DYNLL2: variants seen among roughly 807,000 people sequenced by gnomAD.
DYNLL2 encodes dynein light chain LC8-type 2.
DYNLL2 carries 1 observed loss-of-function variant against 9.7 expected under a neutral mutation model. The ratio of observed to expected loss-of-function variants is 0.10; its 90% CI spans 0.04 to 0.49. The LOEUF is 0.49. DYNLL2 is among the 20% of genes least tolerant of loss of function. The probability of loss-of-function intolerance (pLI) is 0.95; values close to 1 mark genes in which losing one functional copy is unlikely to be tolerated. For missense variants in DYNLL2, 37 were observed against 115.2 expected (o/e 0.32, Z 3.11); for synonymous variants, 35 against 40.5 (o/e 0.86, Z 0.52).
chr17:58,089,551 C>G lies in DYNLL2; in HGVS notation c.*272C>G. On this transcript the variant is annotated 3_prime_UTR_variant, in exon 3 of 3. Coordinates refer to ENST00000579991, the MANE Select transcript of DYNLL2 (RefSeq NM_080677.3). ...TATTGCACTAGGAAATCTCTCCCAC[C>G]TCTCCCTTTTCTCTTTCTTTCCCTA... is the stretch of plus-strand genomic sequence containing the variant. 2.2e-6 allele frequency: 1 copy of G among 465,028 alleles called. No homozygotes were observed. The highest frequency in any genetic ancestry group is 3.5e-5 in the East Asian group (1 of 28,904). 28.8% of individuals were successfully genotyped at this position (465,028 alleles called of 1,614,324 possible). A position where few individuals can be genotyped will look rare whatever the true frequency, so the allele number is the denominator to read the frequency against.
At chr17:58,085,672 T>A (rs1189537159) in intron 1 of DYNLL2, among the ~76,000 whole-genome samples, 1 of 152,158 alleles carries the variant, frequency 6.6e-6, no homozygotes, top group African/African-American at 2.4e-5. Context: ...CCATGCAGGG[T>A]CTGCCTGGAA....
intron 2 of DYNLL2, among the ~76,000 whole-genome samples, chr17:58,087,448 A>G (rs550880384): frequency 5.5e-5 from 8 of 145,014 alleles, no homozygotes; most frequent in Non-Finnish European, 7.6e-5. Context: ...GTGTGTGTGT[A>G]TGTTTACTTT....
Position 58,089,355 on chromosome 17 carries a change from G to A in DYNLL2, c.*76G>A. 1 of 1,561,524 alleles carries A rather than the reference G, an allele frequency of 6.4e-7. No homozygotes were observed. Among genetic ancestry groups the A allele is most frequent in the Non-Finnish European group, 8.7e-7 (1 of 1,147,348 alleles). On this transcript the variant is annotated 3_prime_UTR_variant, in exon 3 of 3. Coordinates refer to ENST00000579991, the MANE Select transcript of DYNLL2 (RefSeq NM_080677.3). ...GCGTTGCTGGGACTGTTTTGCACTG[G>A]AGCCAGCATCAGGATGTCCTCTCCA...
At position 58,093,974 on chromosome 17, in the gene DYNLL2, T is replaced by C. The variant is rs567295422; in HGVS notation, c.*4695T>C. ...CCCACAGACTGCTACTGTGCCAATA[T>C]AGAGGTTCATAAGAAAGATAAAAGA... On this transcript the variant is annotated 3_prime_UTR_variant, in exon 3 of 3. Coordinates refer to ENST00000579991, the MANE Select transcript of DYNLL2 (RefSeq NM_080677.3). 3 of 152,268 alleles carry C rather than the reference T, an allele frequency of 2.0e-5. No individual in the cohort carries two copies. Among genetic ancestry groups the C allele is most frequent in the African/African-American group, 7.2e-5 (3 of 41,548 alleles). 9.4% of individuals were successfully genotyped at this position (152,268 alleles called of 1,614,324 possible). A position where few individuals can be genotyped will look rare whatever the true frequency, so the allele number is the denominator to read the frequency against.
intron 2 of DYNLL2, among the ~76,000 whole-genome samples, chr17:58,087,780 C>G (rs1598088390): frequency 6.6e-6 from 1 of 152,080 alleles, no homozygotes; most frequent in East Asian, 1.9e-4. Flanking sequence ...ATAATGGGGC[C>G]ATAGGTTTGG....
Position 58,083,674 on chromosome 17 carries a change from C to G in DYNLL2, c.-19C>G, listed in dbSNP as rs1204486703. ...TCCCCAGGGCCCAGTGCGGACTCGC[C>G]TCCGTGAAGGTGAGCGGTGGGTGGG... On this transcript the variant is annotated 5_prime_UTR_variant, in exon 1 of 3. Transcript: ENST00000579991. 1 of 152,832 alleles carries G rather than the reference C, an allele frequency of 6.5e-6. No individual in the cohort carries two copies. 9.5% of individuals were successfully genotyped at this position (152,832 alleles called of 1,614,324 possible). A position where few individuals can be genotyped will look rare whatever the true frequency, so the allele number is the denominator to read the frequency against.
chr17:58,088,582 C>A (rs1438623674), intron 2 of DYNLL2, among the ~76,000 whole-genome samples: 1 of 152,184 alleles, frequency 6.6e-6, no homozygotes, highest in African/African-American at 2.4e-5. Context: ...GGTCCTTGTT[C>A]TGGTACATAC....
intron 1 of DYNLL2, among the ~76,000 whole-genome samples, chr17:58,084,611 C>T (rs2075751722): frequency 6.6e-6 from 1 of 152,174 alleles, no homozygotes; most frequent in African/African-American, 2.4e-5. Context: ...GGTTGGGCTT[C>T]ACCTCTCTCA....
At chr17:58,087,051 T>G (rs1177126203) in intron 1 of DYNLL2, 31 bp from the exon 2 acceptor site, 7 of 1,609,602 alleles carry the variant, frequency 4.3e-6, no homozygotes, top group Non-Finnish European at 6.0e-6. Flanking sequence ...AGCAAGGAGT[T>G]GTCAGCCTTA....
Position 58,089,339 on chromosome 17 carries a change from G to C in DYNLL2, c.*60G>C, listed in dbSNP as rs1356853106. 1 of 1,595,642 alleles carries C rather than the reference G, an allele frequency of 6.3e-7. No homozygotes were observed. Among genetic ancestry groups the C allele is most frequent in the East Asian group, 2.2e-5 (1 of 44,710 alleles). Reference sequence around the variant, plus strand: ...CGATGGCAAGCAGGCGGCGTTGCTGGGACTGTTTTGCACTGGAGCCAGCAT... The same window carrying C: ...CGATGGCAAGCAGGCGGCGTTGCTGCGACTGTTTTGCACTGGAGCCAGCAT... On this transcript the variant is annotated 3_prime_UTR_variant, in exon 3 of 3. Coordinates refer to ENST00000579991, the MANE Select transcript of DYNLL2 (RefSeq NM_080677.3).
At chr17:58,088,241 C>G (rs935385875) in intron 2 of DYNLL2, among the ~76,000 whole-genome samples, 8 of 152,192 alleles carry the variant, frequency 5.3e-5, no homozygotes, top group African/African-American at 1.9e-4. Context: ...AAGTGACTGG[C>G]TCTCCTGTAT....
At chr17:58,089,036 C>T (rs896581964) in intron 2 of DYNLL2, 106 bp from the exon 3 acceptor site, 7 of 1,443,122 alleles carry the variant, frequency 4.9e-6, no homozygotes, top group Middle Eastern at 1.8e-4. Flanking sequence ...GGGGTGATAA[C>T]AACCAAACGT....
Position 58,091,539 on chromosome 17 carries a change from A to T in DYNLL2, c.*2260A>T, listed in dbSNP as rs1282029837. 1 of 152,180 alleles carries T rather than the reference A, an allele frequency of 6.6e-6. No individual in the cohort carries two copies. The highest frequency in any genetic ancestry group is 2.4e-5 in the African/African-American group (1 of 41,410). 9.4% of individuals were successfully genotyped at this position (152,180 alleles called of 1,614,324 possible). ...GCTACCTTCCCAGCTGCCGTCATGG[A>T]CCTGCCTGAGCTTTGCTGCTTCAAC... On this transcript the variant is annotated 3_prime_UTR_variant, in exon 3 of 3. Coordinates refer to ENST00000579991, the MANE Select transcript of DYNLL2 (RefSeq NM_080677.3).
intron 2 of DYNLL2, among the ~76,000 whole-genome samples, 157 bp downstream of exon 2, chr17:58,087,379 C>T (rs145216463): frequency 3.6e-4 from 55 of 152,056 alleles, no homozygotes; most frequent in African/African-American, 1.3e-3. Flanking sequence ...CGAGTGATTC[C>T]GAATTGCCCA....
At chr17:58,084,476 G>A (rs1256295320) in intron 1 of DYNLL2, among the ~76,000 whole-genome samples, 1 of 152,098 alleles carries the variant, frequency 6.6e-6, no homozygotes, top group Non-Finnish European at 1.5e-5. Flanking sequence ...TGCTGGCCTG[G>A]GGCCCTCTGG....
intron 2 of DYNLL2, 69 bp downstream of exon 2, chr17:58,087,291 T>C (rs1403622362): frequency 6.3e-6 from 10 of 1,591,372 alleles, no homozygotes; most frequent in African/African-American, 2.7e-5. Flanking sequence ...TCCAGGGAGA[T>C]CTGGAGCTGG....
At position 58,090,518 on chromosome 17, in the gene DYNLL2, T is replaced by C. The variant is rs2075776393; in HGVS notation, c.*1239T>C. ...ACAGGATGACCATGCTGCCATCTGCTCTGGAGCTGGGTCTCAGTGCAGAGG... is the reference window on the plus strand; with the variant it reads ...ACAGGATGACCATGCTGCCATCTGCCCTGGAGCTGGGTCTCAGTGCAGAGG... On this transcript the variant is annotated 3_prime_UTR_variant, in exon 3 of 3. Transcript: ENST00000579991. 1 of 152,114 alleles carries C rather than the reference T, an allele frequency of 6.6e-6. No homozygotes were observed. The highest frequency in any genetic ancestry group is 1.5e-5 in the Non-Finnish European group (1 of 68,108). The allele number at this position is 152,114 out of a possible 1,614,324, so 9.4% of individuals were successfully genotyped here.
rs1390183436 is a variant in DYNLL2, at chr17:58,095,065, T to G, written c.*5786T>G. On this transcript the variant is annotated 3_prime_UTR_variant, in exon 3 of 3. Transcript: ENST00000579991. ...GCTGCTATGAACATTGATGTACAGA[T>G]TTTTGTGTAGATATGTTTTCAATTA... 3 of 152,136 alleles carry G rather than the reference T, an allele frequency of 2.0e-5. No homozygotes were observed. In the South Asian group the frequency reaches 6.2e-4, roughly 32 times the overall value. The allele number at this position is 152,136 out of a possible 1,614,324, so 9.4% of individuals were successfully genotyped here. A position where few individuals can be genotyped will look rare whatever the true frequency, so the allele number is the denominator to read the frequency against.
rs998541469 is a variant in DYNLL2 at position 58,090,208 on chromosome 17, A to C, written c.*929A>C. ...TCAAACCAAATTGATGTCTCCCTTG[A>C]CTCTTCTGTGTATATGTGTGAATAT... On this transcript the variant is annotated 3_prime_UTR_variant, in exon 3 of 3. Transcript: ENST00000579991. The C allele has an allele frequency of 1.6e-5, 5 of 309,214 alleles. No individual in the cohort carries two copies. Among genetic ancestry groups the C allele is most frequent in the Non-Finnish European group, 2.3e-5 (4 of 171,340 alleles). 19.2% of individuals were successfully genotyped at this position (309,214 alleles called of 1,614,324 possible). A position where few individuals can be genotyped will look rare whatever the true frequency, so the allele number is the denominator to read the frequency against.
Sources: gnomAD v4.1 joint callset for allele counts (sites outside exome capture counted in the v4.1 genomes callset) on GRCh38, gnomAD v4.1.1 for gene constraint, MANE v1.5 for transcripts, NCBI Gene and HGNC (gene_info 2026-07-23, HGNC 2026-07-21) for gene names.